PRKCB: variants seen among roughly 807,000 people sequenced by gnomAD.
PRKCB encodes the protein protein kinase C beta.
A neutral mutation model predicts 81.5 loss-of-function variants in PRKCB; 13 were observed. The observed-to-expected ratio is 0.16, with a 90% CI of 0.10 to 0.25. The LOEUF (loss-of-function observed/expected upper bound fraction) is 0.25, where lower values mean the gene tolerates loss of function less well. PRKCB is among the 10% of genes least tolerant of loss of function. The probability of loss-of-function intolerance (pLI) is 1.00; values close to 1 mark genes in which losing one functional copy is unlikely to be tolerated. For synonymous variants in PRKCB, 335 were observed against 321.4 expected (o/e 1.04, Z -0.45); for missense variants, 509 against 875.7 (o/e 0.58, Z 5.29).
intron 2 of PRKCB, among the ~76,000 whole-genome samples, chr16:23,920,179 A>G (rs1963803674): frequency 6.6e-6 from 1 of 151,958 alleles, no homozygotes; most frequent in Admixed American, 6.6e-5. Flanking sequence ...TCTTTTTTTG[A>G]TAGTAGCCAT....
Position 24,051,815 on chromosome 16 carries a change from A to G in PRKCB, c.529+16268A>G, listed in dbSNP as rs545594376. ...GAGGATCACTGAATCCAGGAGTTCA[A>G]GGAAAGAGGCCGGGCACAGTGGCTC... On this transcript the variant is annotated intron_variant, in intron 5 of 16. Coordinates refer to ENST00000643927, the MANE Select transcript of PRKCB (RefSeq NM_002738.7). 2.0e-3 allele frequency among the ~76,000 whole-genome samples: 297 copies of G among 152,218 alleles called. 4 individuals carry two copies. The highest frequency in any genetic ancestry group is 6.5e-3 in the African/African-American group (269 of 41,532).
chr16:24,200,700 T>C (rs1052556718), intron 16 of PRKCB, among the ~76,000 whole-genome samples: 7 of 152,178 alleles, frequency 4.6e-5, no homozygotes. Flanking sequence ...TGCATATGCA[T>C]ACATGTGTGT....
chr16:24,022,980 G>A (rs1965425478), intron 3 of PRKCB, among the ~76,000 whole-genome samples: 1 of 152,240 alleles, frequency 6.6e-6, no homozygotes. Context: ...TAGGTGGCCT[G>A]GAGGTGTCTA....
chr16:23,837,327 G>T (rs779340232), intron 1 of PRKCB, 48 bp from the exon 2 acceptor site: 6 of 1,611,848 alleles, frequency 3.7e-6, no homozygotes, highest in Non-Finnish European at 5.1e-6. Flanking sequence ...CTAGCTGGAG[G>T]CTGGGCCCCC....
chr16:24,048,735 G>A (rs934368374), intron 5 of PRKCB, among the ~76,000 whole-genome samples: 1 of 151,864 alleles, frequency 6.6e-6, no homozygotes, highest in African/African-American at 2.4e-5. Context: ...GCCCACCTCG[G>A]CCCCCCAAAG....
intron 3 of PRKCB, among the ~76,000 whole-genome samples, chr16:24,005,469 C>G (rs1965104105): frequency 6.6e-6 from 1 of 152,186 alleles, no homozygotes; most frequent in Non-Finnish European, 1.5e-5. Context: ...CTAGTGCAGA[C>G]TCAGGTTTCC....
At chr16:24,175,355 AC>A (rs1260741812) in intron 12 of PRKCB, among the ~76,000 whole-genome samples, 2 of 151,954 alleles carry the variant, frequency 1.3e-5, no homozygotes, top group East Asian at 3.9e-4. Flanking sequence ...TGTGTTTGAC[AC>A]ACATTTATCA....
intron 11 of PRKCB, among the ~76,000 whole-genome samples, chr16:24,173,459 C>A (rs757785166): frequency 6.6e-6 from 1 of 152,154 alleles, no homozygotes; most frequent in South Asian, 2.1e-4. Context: ...AGCTTGCCCC[C>A]TCTCCTCCCA....
intron 2 of PRKCB, among the ~76,000 whole-genome samples, chr16:23,866,160 A>G (rs1962786782): frequency 6.6e-6 from 1 of 152,232 alleles, no homozygotes; most frequent in South Asian, 2.1e-4. Context: ...TCTCTAGGTT[A>G]CTAGACTGGC....
At chr16:24,110,108 G>A (rs1297053894) in intron 7 of PRKCB, among the ~76,000 whole-genome samples, 1 of 125,174 alleles carries the variant, frequency 8.0e-6, no homozygotes, top group African/African-American at 4.1e-5. Context: ...GAGGGAGACC[G>A]TGGGGAGAGG....
At chr16:24,147,803 A>T (rs1243737967) in intron 9 of PRKCB, among the ~76,000 whole-genome samples, 1 of 152,216 alleles carries the variant, frequency 6.6e-6, no homozygotes, top group African/African-American at 2.4e-5. Context: ...CATCTGTAAA[A>T]TAGGGATAGC....
intron 9 of PRKCB, among the ~76,000 whole-genome samples, chr16:24,137,017 A>G (rs1363573444): frequency 6.7e-6 from 1 of 149,652 alleles, no homozygotes; most frequent in Non-Finnish European, 1.5e-5. Flanking sequence ...AGCTGGGATT[A>G]TATGCGCATG....
Position 24,072,588 on chromosome 16 carries a change from C to CT in PRKCB, c.530-20193dup, listed in dbSNP as rs1200526403. ...TAACTCTCTCTTTCTCTCTCTCTCT[C>CT]TTTTTTTTTTGAGATGGAGTTTCCC... On this transcript the variant is annotated intron_variant, in intron 5 of 16. Transcript: ENST00000643927. Among the ~76,000 whole-genome samples, 33 of 143,900 alleles carry CT rather than the reference C, an allele frequency of 2.3e-4. 1 individual carries two copies. The highest frequency in any genetic ancestry group is 1.0e-3 in the East Asian group (5 of 4,880). 94.4% of individuals were successfully genotyped at this position (143,900 alleles called of 152,430 possible).
At chr16:23,929,038 T>C (rs1374892787) in intron 2 of PRKCB, among the ~76,000 whole-genome samples, 1 of 151,940 alleles carries the variant, frequency 6.6e-6, no homozygotes, top group Non-Finnish European at 1.5e-5. Context: ...TTTAAGGAGA[T>C]GTTTTGTCAG....
intron 10 of PRKCB, among the ~76,000 whole-genome samples, chr16:24,168,709 C>G (rs1248079534): frequency 1.4e-5 from 2 of 145,414 alleles, no homozygotes; most frequent in Non-Finnish European, 3.0e-5. Context: ...CACCACCATG[C>G]CTGGCTATTT....
chr16:23,894,639 A>C (rs1025029526), intron 2 of PRKCB, among the ~76,000 whole-genome samples: 1 of 152,246 alleles, frequency 6.6e-6, no homozygotes, highest in African/African-American at 2.4e-5. Context: ...CCGAAGAACC[A>C]CCTGGCTGAG....
At chr16:23,921,934 G>A (rs1238721704) in intron 2 of PRKCB, among the ~76,000 whole-genome samples, 2 of 152,140 alleles carry the variant, frequency 1.3e-5, no homozygotes, top group Non-Finnish European at 2.9e-5. Flanking sequence ...AATCTTATAG[G>A]CTCAGCTGGG....
intron 11 of PRKCB, among the ~76,000 whole-genome samples, chr16:24,173,854 G>A (rs1002465486): frequency 6.6e-6 from 1 of 152,290 alleles, no homozygotes; most frequent in South Asian, 2.1e-4. Flanking sequence ...TGAGGAATGG[G>A]GAGATACTAG....
intron 2 of PRKCB, among the ~76,000 whole-genome samples, chr16:23,840,550 G>A (rs558293267): frequency 5.3e-5 from 8 of 152,294 alleles, no homozygotes; most frequent in African/African-American, 1.7e-4. Flanking sequence ...CTGTGAGGGA[G>A]CATGTGGGAA....
Sources: allele counts gnomAD v4.1 joint callset (sites outside exome capture counted in the v4.1 genomes callset), GRCh38; gene constraint gnomAD v4.1.1; transcripts MANE v1.5; gene names NCBI Gene and HGNC (gene_info 2026-07-23, HGNC 2026-07-21).